ANKS1B: variants seen among roughly 807,000 people sequenced by gnomAD.
ANKS1B encodes the protein ankyrin repeat and sterile alpha motif domain-containing protein 1B.
ANKS1B carries 36 observed loss-of-function variants against 148.3 expected under a neutral mutation model. The ratio of observed to expected loss-of-function variants is 0.24; its 90% confidence interval spans 0.19 to 0.32. The LOEUF (loss-of-function observed/expected upper bound fraction) is 0.32, where lower values mean the gene tolerates loss of function less well. Among genes scored for constraint, ANKS1B ranks in the 10% least tolerant of loss-of-function variants. The pLI, the probability that ANKS1B is intolerant of heterozygous loss-of-function variation, is 1.00. For missense variants in ANKS1B, 1,157 were observed against 1,542.6 expected, an observed-to-expected ratio of 0.75 and a Z score of 4.19; for synonymous variants, 542 against 560.8, an observed-to-expected ratio of 0.97 and a Z score of 0.47.
chr12:98,952,054 T>A (rs1567975658), intron 17 of ANKS1B, among the ~76,000 whole-genome samples: 3 of 152,232 alleles, frequency 2.0e-5, no homozygotes, highest in Non-Finnish European at 1.5e-5. Context: ...TTTGCCTTTT[T>A]TCCTGGTAAT....
intron 10 of ANKS1B, among the ~76,000 whole-genome samples, chr12:99,483,401 G>C (rs764322234): frequency 6.6e-6 from 1 of 151,894 alleles, no homozygotes; most frequent in Non-Finnish European, 1.5e-5. Context: ...TGGTTAGCTA[G>C]TATTTTGTTC....
At chr12:99,820,931 A>G (rs2082423370) in intron 2 of ANKS1B, among the ~76,000 whole-genome samples, 1 of 151,966 alleles carries the variant, frequency 6.6e-6, no homozygotes, top group Non-Finnish European at 1.5e-5. Context: ...CTAAATGGGC[A>G]TTGTTTCTCC....
At chr12:99,392,463 C>T (rs1031237027) in intron 12 of ANKS1B, among the ~76,000 whole-genome samples, 3 of 152,238 alleles carry the variant, frequency 2.0e-5, no homozygotes, top group Non-Finnish European at 1.5e-5. Context: ...TTCCACTTTA[C>T]TCCTTTTGGG....
At chr12:99,657,915 A>AT (rs1264322186) in intron 8 of ANKS1B, among the ~76,000 whole-genome samples, 5 of 150,552 alleles carry the variant, frequency 3.3e-5, no homozygotes, top group African/African-American at 1.2e-4. Flanking sequence ...AAAAAAAAAA[A>AT]AAAAAAAGCT....
At chr12:99,498,850 A>G (rs1320587365) in intron 10 of ANKS1B, among the ~76,000 whole-genome samples, 1 of 152,192 alleles carries the variant, frequency 6.6e-6, no homozygotes, top group African/African-American at 2.4e-5. Flanking sequence ...AAGGGAATAC[A>G]TCAGTAACTC....
intron 17 of ANKS1B, among the ~76,000 whole-genome samples, chr12:98,995,008 T>C (rs911398836): frequency 1.3e-5 from 2 of 152,238 alleles, no homozygotes; most frequent in African/African-American, 4.8e-5. Context: ...TTAAATTTTC[T>C]GAGTGAATGA....
chr12:98,890,276 A>T (rs1042135393), intron 17 of ANKS1B, among the ~76,000 whole-genome samples: 1 of 152,232 alleles, frequency 6.6e-6, no homozygotes, highest in African/African-American at 2.4e-5. Flanking sequence ...AAATAGCATC[A>T]TTCATATCAG....
At chr12:99,154,125 T>C (rs1036043787) in intron 15 of ANKS1B, among the ~76,000 whole-genome samples, 164 bp downstream of exon 15, 1 of 152,202 alleles carries the variant, frequency 6.6e-6, no homozygotes, top group South Asian at 2.1e-4. Flanking sequence ...AGAGTCTATA[T>C]GTACACAGCA....
chr12:98,967,665 G>GGGAGA, intron 17 of ANKS1B, among the ~76,000 whole-genome samples: 1 of 127,966 alleles, frequency 7.8e-6, no homozygotes, highest in Admixed American at 7.6e-5. Context: ...GGGAGAGGAG[G>GGGAGA]GGAGGGGAGG....
intron 8 of ANKS1B, among the ~76,000 whole-genome samples, chr12:99,770,482 T>G (rs1461116362): frequency 6.6e-6 from 1 of 152,162 alleles, no homozygotes. Context: ...GAAAAAAAAC[T>G]TTTTTGATGA....
chr12:99,003,713 G>A (rs1382272137), intron 17 of ANKS1B, among the ~76,000 whole-genome samples: 2 of 152,138 alleles, frequency 1.3e-5, no homozygotes, highest in Admixed American at 6.5e-5. Context: ...CCACTGTTGT[G>A]CAGTAGAGCC....
At chr12:99,935,548 C>T (rs905420101) in intron 1 of ANKS1B, among the ~76,000 whole-genome samples, 3 of 151,988 alleles carry the variant, frequency 2.0e-5, no homozygotes, top group Non-Finnish European at 2.9e-5. Context: ...TGGTTGCTGA[C>T]ATAATTCATT....
chr12:99,866,600 T>C (rs1374813602), intron 1 of ANKS1B, among the ~76,000 whole-genome samples: 3 of 152,186 alleles, frequency 2.0e-5, no homozygotes, highest in African/African-American at 7.2e-5. Flanking sequence ...AATTATCTTG[T>C]ACTTCTTAAC....
chr12:99,152,593 A>G (rs2075234526), intron 15 of ANKS1B, among the ~76,000 whole-genome samples: 1 of 152,152 alleles, frequency 6.6e-6, no homozygotes. Flanking sequence ...TCAAAAAGGT[A>G]TTATATTTGC....
In ANKS1B at chr12:99,743,840, T is replaced by C. The variant is rs999755226; in HGVS notation, c.1128+29082A>G. The stretch of plus-strand genomic sequence containing the variant: ...AAGTTCTCCATATTGAACTATGTCT[T>C]ACAGGTCTAAAGTTCTGATGCATCT... On this transcript the variant is annotated intron_variant, in intron 8 of 26. Coordinates refer to ENST00000683438, the MANE Select transcript of ANKS1B (RefSeq NM_001352186.2). 2.2e-4 allele frequency among the ~76,000 whole-genome samples: 33 copies of C among 152,320 alleles called. 1 individual carries two copies. Among genetic ancestry groups the C allele is most frequent in the African/African-American group, 7.9e-4 (33 of 41,568 alleles).
At chr12:98,964,853 T>C (rs781219349) in intron 17 of ANKS1B, among the ~76,000 whole-genome samples, 7 of 152,072 alleles carry the variant, frequency 4.6e-5, no homozygotes, top group Non-Finnish European at 7.4e-5. Context: ...ACAGTGGGGA[T>C]GGTAAATACG....
intron 8 of ANKS1B, among the ~76,000 whole-genome samples, chr12:99,718,639 C>A (rs111261671): frequency 6.6e-6 from 1 of 152,210 alleles, no homozygotes; most frequent in Non-Finnish European, 1.5e-5. Flanking sequence ...TCAGGATCTG[C>A]GCCTTATCAA....
intron 17 of ANKS1B, among the ~76,000 whole-genome samples, chr12:98,843,363 C>T (rs369922087): frequency 1.3e-5 from 2 of 152,192 alleles, no homozygotes; most frequent in Non-Finnish European, 2.9e-5. Context: ...GCCAGGACAT[C>T]CTGTGGGTTT....
At chr12:99,425,353 T>G (rs1261035104) in intron 11 of ANKS1B, among the ~76,000 whole-genome samples, 1 of 151,986 alleles carries the variant, frequency 6.6e-6, no homozygotes, top group Non-Finnish European at 1.5e-5. Flanking sequence ...AAACAAAAAT[T>G]TTTATTCTAA....
Sources: allele counts gnomAD v4.1 joint callset (sites outside exome capture counted in the v4.1 genomes callset), GRCh38; gene constraint gnomAD v4.1.1; transcripts MANE v1.5; gene names NCBI Gene and HGNC (gene_info 2026-07-23, HGNC 2026-07-21).